Variants in RPGRIP1L observed in about 807,000 individuals in gnomAD.
RPGRIP1L encodes the protein protein fantom.
Under a neutral mutation model 160.4 loss-of-function variants are expected in RPGRIP1L, and 131 were observed. The observed-to-expected ratio is 0.82, with a 90% CI of 0.71 to 0.94. RPGRIP1L has a LOEUF of 0.94. Among genes scored for constraint, RPGRIP1L ranks in the 40% least tolerant of loss-of-function variants. The pLI, the probability that RPGRIP1L is intolerant of heterozygous loss-of-function variation, is 0.00. For synonymous variants in RPGRIP1L, 510 were observed against 515.8 expected, an observed-to-expected ratio of 0.99 and a Z score of 0.15; for missense variants, 1,522 against 1,535.8, an observed-to-expected ratio of 0.99 and a Z score of 0.15.
At position 53,622,799 on chromosome 16, in the gene RPGRIP1L, CCACACACACACACACACACA is replaced by C. The variant is rs201959082; in HGVS notation, c.3295-463_3295-444del. On this transcript the variant is annotated intron_variant, in intron 22 of 26. Transcript: ENST00000647211. Reference sequence around the variant, plus strand: ...TCCAAAAAATAAAACAAAACAAAAACCACACACACACACACACACACACACACACACACACACACACACAC... The same window carrying C: ...TCCAAAAAATAAAACAAAACAAAAACCACACACACACACACACACACACAC... Among the ~76,000 whole-genome samples the C allele has an allele frequency of 8.1e-5, 11 of 135,810 alleles. No individual in the cohort carries two copies. The South Asian group carries it at 1.0e-3, about 12-fold the overall frequency. The allele number at this position is 135,810 out of a possible 152,430, so 89.1% of individuals were successfully genotyped here.
chr16:53,657,153 T>A (rs1489568788), intron 13 of RPGRIP1L, among the ~76,000 whole-genome samples: 1 of 151,878 alleles, frequency 6.6e-6, no homozygotes, highest in East Asian at 1.9e-4. Context: ...GGCAAGAGAA[T>A]CACTTGAACC....
intron 9 of RPGRIP1L, among the ~76,000 whole-genome samples, chr16:53,669,391 G>T (rs1382250154): frequency 6.6e-6 from 1 of 151,670 alleles, no homozygotes; most frequent in Non-Finnish European, 1.5e-5. Flanking sequence ...AACTTCACGT[G>T]TGAGCAGCAT....
intron 3 of RPGRIP1L, chr16:53,695,819 A>G (rs1970711428): frequency 6.2e-6 from 2 of 322,436 alleles, no homozygotes; most frequent in Non-Finnish European, 1.1e-5. Flanking sequence ...CTTTCATTTT[A>G]AAATCAAGAC....
At chr16:53,699,262 C>T (rs192994398) in intron 2 of RPGRIP1L, among the ~76,000 whole-genome samples, 53 of 151,908 alleles carry the variant, frequency 3.5e-4, no homozygotes, top group Middle Eastern at 6.8e-3. Context: ...AGGAAGGCCT[C>T]AGGGTCCTCT....
intron 2 of RPGRIP1L, among the ~76,000 whole-genome samples, chr16:53,696,630 TA>T (rs1375201285): frequency 6.6e-6 from 1 of 152,194 alleles, no homozygotes; most frequent in African/African-American, 2.4e-5. Flanking sequence ...TTGTGACAAC[TA>T]AAAGAGTATC....
intron 25 of RPGRIP1L, among the ~76,000 whole-genome samples, chr16:53,610,061 AAGG>A (rs1466453573): frequency 1.3e-5 from 2 of 152,014 alleles, no homozygotes; most frequent in Non-Finnish European, 2.9e-5. Flanking sequence ...GTCATAAGGC[AAGG>A]AGAAGTGGGC....
At chr16:53,625,521 A>AGG (rs1160696887) in intron 22 of RPGRIP1L, among the ~76,000 whole-genome samples, 1 of 84,604 alleles carries the variant, frequency 1.2e-5, no homozygotes, top group Non-Finnish European at 2.5e-5. Flanking sequence ...CTAGGGGGTG[A>AGG]GGGGGGGGCG....
intron 25 of RPGRIP1L, among the ~76,000 whole-genome samples, chr16:53,609,991 C>T (rs1027090352): frequency 2.6e-5 from 4 of 152,032 alleles, no homozygotes; most frequent in Non-Finnish European, 4.4e-5. Context: ...GAACTTGAGT[C>T]TCCTAAGGCG....
chr16:53,631,615 G>A (rs545921911), intron 22 of RPGRIP1L, among the ~76,000 whole-genome samples: 1 of 152,134 alleles, frequency 6.6e-6, no homozygotes, highest in Non-Finnish European at 1.5e-5. Context: ...CTGAAACAAG[G>A]CTTTTAATCA....
At chr16:53,628,791 T>TG (rs1185141840) in intron 22 of RPGRIP1L, 1 of 152,180 alleles carries the variant, frequency 6.6e-6, no homozygotes, top group Non-Finnish European at 1.5e-5. Flanking sequence ...ACTTCAGTGA[T>TG]GGGGATCAAA....
chr16:53,703,707 G>A (rs530285936), intron 1 of RPGRIP1L, 96 bp downstream of exon 1: 27 of 247,086 alleles, frequency 1.1e-4, no homozygotes, highest in Non-Finnish European at 2.0e-4. Context: ...TTCTCCAGGC[G>A]GCAGAGCGGA....
At chr16:53,663,053 T>A (rs1034187398) in intron 10 of RPGRIP1L, among the ~76,000 whole-genome samples, 6 of 152,036 alleles carry the variant, frequency 3.9e-5, no homozygotes, top group Admixed American at 6.6e-5. Context: ...ACATCTATCA[T>A]TTAGAAATAA....
intron 5 of RPGRIP1L, among the ~76,000 whole-genome samples, chr16:53,686,951 G>C (rs543962160): frequency 6.6e-6 from 1 of 152,058 alleles, no homozygotes; most frequent in Non-Finnish European, 1.5e-5. Context: ...TAACACTTCA[G>C]AGAGAGAGGG....
intron 24 of RPGRIP1L, among the ~76,000 whole-genome samples, chr16:53,617,778 T>C (rs1964470937): frequency 6.6e-6 from 1 of 152,156 alleles, no homozygotes; most frequent in Non-Finnish European, 1.5e-5. Context: ...AACGTATTTC[T>C]AAAAATGCCA....
At chr16:53,698,485 A>G in intron 2 of RPGRIP1L, among the ~76,000 whole-genome samples, 1 of 121,544 alleles carries the variant, frequency 8.2e-6, no homozygotes, top group Non-Finnish European at 1.7e-5. Context: ...CCCGTCCAGG[A>G]GGGAGGTTGG....
intron 6 of RPGRIP1L, among the ~76,000 whole-genome samples, chr16:53,686,168 A>C (rs1969995242): frequency 6.6e-6 from 1 of 152,178 alleles, no homozygotes; most frequent in South Asian, 2.1e-4. Context: ...AATCTTGGCA[A>C]ATGGGGTAAA....
In RPGRIP1L at chr16:53,646,057, A is replaced by G. The variant is rs909444625; in HGVS notation, c.2305-54T>C. The G allele has an allele frequency of 6.6e-6, 10 of 1,522,550 alleles. No homozygotes were observed. The African/African-American group carries it at 1.1e-4, about 17-fold the overall frequency. The allele number at this position is 1,522,550 out of a possible 1,614,324, so 94.3% of individuals were successfully genotyped here. On this transcript the variant is annotated intron_variant, in intron 16 of 26. Transcript: ENST00000647211. ...GAAATAACACAGTTAAAAGATGAACAGCAGCTGCCAAGCCCCAAATAAGAT... is the reference window on the plus strand; with the variant it reads ...GAAATAACACAGTTAAAAGATGAACGGCAGCTGCCAAGCCCCAAATAAGAT...
At position 53,686,544 on chromosome 16, in the gene RPGRIP1L, A is replaced by G. The variant is rs770267954; in HGVS notation, c.665T>C (p.Ile222Thr). The G allele has an allele frequency of 6.2e-7, 1 of 1,613,650 alleles. No homozygotes were observed. Among genetic ancestry groups the G allele is most frequent in the East Asian group, 2.2e-5 (1 of 44,840 alleles). Reference protein sequence around the residue: ...ENVIQSQRGQIEELEHLAEIL... With the variant: ...ENVIQSQRGQTEELEHLAEIL... ...CTCAGCCAAGTGCTCTAACTCCTCT[A>G]TCTGGCCTCTTTGTGACTGAATAAC... Residue 222 changes from isoleucine to threonine, a missense_variant, in exon 6 of 27, where the codon ATA (isoleucine) becomes ACA (threonine). Physicochemically the swap from Ile to Thr is moderately conservative, Grantham distance 89 (BLOSUM62 -1). Coordinates refer to ENST00000647211, the MANE Select transcript of RPGRIP1L (RefSeq NM_015272.5).
intron 2 of RPGRIP1L, 49 bp downstream of exon 2, chr16:53,700,587 AAGT>A: frequency 1.5e-6 from 2 of 1,361,424 alleles, no homozygotes; most frequent in Non-Finnish European, 1.0e-6. Flanking sequence ...TTTAAATTAA[AAGT>A]AGTCAGTGAT....
Sources: allele counts gnomAD v4.1 joint callset (sites outside exome capture counted in the v4.1 genomes callset), GRCh38; gene constraint gnomAD v4.1.1; transcripts MANE v1.5; gene names NCBI Gene and HGNC (gene_info 2026-07-23, HGNC 2026-07-21).